FSHR: variants seen among roughly 807,000 people sequenced by gnomAD.
FSHR encodes the protein follicle stimulating hormone receptor, also known as follicle-stimulating hormone receptor.
FSHR carries 46 observed loss-of-function variants against 52.1 expected under a neutral mutation model. That is an observed-to-expected ratio of 0.88 (90% CI 0.70 to 1.13). The LOEUF is 1.13. Among genes scored for constraint, FSHR ranks in the 50% most tolerant of loss-of-function variants. The probability of loss-of-function intolerance (pLI) is 0.00; values close to 1 mark genes in which losing one functional copy is unlikely to be tolerated. For synonymous variants in FSHR, 399 were observed against 309.6 expected (o/e 1.29, Z -3.03); for missense variants, 964 against 834.6 (o/e 1.16, Z -1.91).
At chr2:49,029,185 A>G (rs1048553589) in intron 2 of FSHR, among the ~76,000 whole-genome samples, 4 of 152,194 alleles carry the variant, frequency 2.6e-5, no homozygotes, top group Non-Finnish European at 5.9e-5. Context: ...TTAACCGGAG[A>G]CTACTCTTCT....
chr2:49,086,026 A>C (rs532845345), intron 1 of FSHR, among the ~76,000 whole-genome samples: 5 of 152,094 alleles, frequency 3.3e-5, no homozygotes, highest in African/African-American at 9.7e-5. Context: ...TGACGAGTTA[A>C]TGGGTGCAGC....
At chr2:49,098,676 G>A (rs1190081426) in intron 1 of FSHR, among the ~76,000 whole-genome samples, 2 of 149,092 alleles carry the variant, frequency 1.3e-5, no homozygotes, top group Non-Finnish European at 3.0e-5. Flanking sequence ...AGGGAATAAT[G>A]TGTGTATGTG....
chr2:48,972,151 A>G (rs975989458), intron 8 of FSHR, among the ~76,000 whole-genome samples: 2 of 152,164 alleles, frequency 1.3e-5, no homozygotes, highest in African/African-American at 2.4e-5. Context: ...TTTTCTGAAA[A>G]TCTGTTCCAC....
In FSHR at chr2:49,017,060, C is replaced by T. The variant is rs559522854; in HGVS notation, c.374+429G>A. 1.3e-4 allele frequency among the ~76,000 whole-genome samples: 20 copies of T among 152,080 alleles called. No individual in the cohort carries two copies. The East Asian group carries it at 2.3e-3, about 18-fold the overall frequency. On this transcript the variant is annotated intron_variant, in intron 4 of 9. Coordinates refer to ENST00000406846, the MANE Select transcript of FSHR (RefSeq NM_000145.4). ...GATAAAATACCATGTGTGTTATTAA[C>T]GAAAACATACAAAATAAACAAAATA...
intron 3 of FSHR, among the ~76,000 whole-genome samples, chr2:49,017,986 T>C (rs1438365708): frequency 6.9e-6 from 1 of 145,834 alleles, no homozygotes; most frequent in East Asian, 2.0e-4. Context: ...GAAAAAGGAA[T>C]GAAAGTAATG....
At chr2:49,098,122 T>C (rs1670893419) in intron 1 of FSHR, among the ~76,000 whole-genome samples, 1 of 152,180 alleles carries the variant, frequency 6.6e-6, no homozygotes, top group Non-Finnish European at 1.5e-5. Context: ...TGCACAGATA[T>C]TTAATGGGGC....
chr2:49,016,523 A>G (rs1667494637), intron 4 of FSHR, among the ~76,000 whole-genome samples: 1 of 152,148 alleles, frequency 6.6e-6, no homozygotes, highest in South Asian at 2.1e-4. Context: ...AGTGCCTCTT[A>G]GAGGAGGGCT....
At chr2:49,147,677 T>A (rs1672917375) in intron 1 of FSHR, among the ~76,000 whole-genome samples, 2 of 152,032 alleles carry the variant, frequency 1.3e-5, no homozygotes, top group African/African-American at 4.8e-5. Flanking sequence ...GCAATGTAAT[T>A]TCCACTTTTT....
intron 8 of FSHR, among the ~76,000 whole-genome samples, chr2:48,979,927 C>A (rs954503000): frequency 2.0e-5 from 3 of 152,124 alleles, no homozygotes; most frequent in African/African-American, 7.2e-5. Flanking sequence ...CCTACTCTTA[C>A]CTCTTAACTC....
At chr2:49,071,789 G>T (rs770864195) in intron 1 of FSHR, among the ~76,000 whole-genome samples, 1 of 145,904 alleles carries the variant, frequency 6.9e-6, no homozygotes, top group Non-Finnish European at 1.5e-5. Flanking sequence ...CAGGCATCAC[G>T]TGGCAACGGA....
chr2:49,115,098 G>C (rs1671553447), intron 1 of FSHR, among the ~76,000 whole-genome samples: 1 of 149,402 alleles, frequency 6.7e-6, no homozygotes, highest in Non-Finnish European at 1.5e-5. Context: ...AAACCTTAGA[G>C]TGGTATGTGG....
At chr2:49,010,431 A>C (rs1667227164) in intron 4 of FSHR, among the ~76,000 whole-genome samples, 1 of 152,164 alleles carries the variant, frequency 6.6e-6, no homozygotes, top group African/African-American at 2.4e-5. Flanking sequence ...TCAGTTTGCC[A>C]GTATTTTATT....
intron 1 of FSHR, among the ~76,000 whole-genome samples, chr2:49,149,436 G>T (rs572512334): frequency 2.0e-5 from 3 of 152,016 alleles, no homozygotes; most frequent in Non-Finnish European, 2.9e-5. Flanking sequence ...AAGAGGCCTG[G>T]GTTGTGGTTC....
intron 4 of FSHR, chr2:48,997,125 C>A: frequency 1.5e-6 from 1 of 669,738 alleles, no homozygotes; most frequent in South Asian, 6.7e-5. Context: ...GTTTAGAGAC[C>A]CTGGGTTCCA....
chr2:49,151,939 T>C (rs1673077839), intron 1 of FSHR, among the ~76,000 whole-genome samples: 1 of 152,134 alleles, frequency 6.6e-6, no homozygotes, highest in Non-Finnish European at 1.5e-5. Flanking sequence ...TGAAATAATT[T>C]TCCTTTTTTA....
chr2:49,104,148 T>A (rs1469575150), intron 1 of FSHR, among the ~76,000 whole-genome samples: 1 of 152,114 alleles, frequency 6.6e-6, no homozygotes, highest in African/African-American at 2.4e-5. Context: ...AGATTTAATC[T>A]TTGCGAAATG....
At chr2:49,046,481 A>C (rs1168604234) in intron 2 of FSHR, among the ~76,000 whole-genome samples, 2 of 152,176 alleles carry the variant, frequency 1.3e-5, no homozygotes, top group African/African-American at 4.8e-5. Context: ...CAACGTTCTC[A>C]CTATAAAATT....
chr2:49,126,449 A>G (rs1672000265), intron 1 of FSHR, among the ~76,000 whole-genome samples: 1 of 152,190 alleles, frequency 6.6e-6, no homozygotes, highest in African/African-American at 2.4e-5. Flanking sequence ...CTCATGACCT[A>G]GACACTTCCC....
At chr2:48,986,156 C>CT (rs1403308438) in intron 6 of FSHR, among the ~76,000 whole-genome samples, 1 of 152,146 alleles carries the variant, frequency 6.6e-6, no homozygotes, top group Non-Finnish European at 1.5e-5. Flanking sequence ...GCCCCATTGT[C>CT]TGTTGTTCCT....
Sources: gnomAD v4.1 joint callset for allele counts (sites outside exome capture counted in the v4.1 genomes callset) on GRCh38, gnomAD v4.1.1 for gene constraint, MANE v1.5 for transcripts, NCBI Gene and HGNC (gene_info 2026-07-23, HGNC 2026-07-21) for gene names.